Variants in DYSF observed in about 807,000 individuals in gnomAD.
DYSF encodes dysferlin, also known as dystrophy-associated fer-1-like 1.
In DYSF, 212 loss-of-function variants were observed where a neutral mutation model predicts 274.9. The ratio of observed to expected loss-of-function variants is 0.77; its 90% CI spans 0.69 to 0.86. The LOEUF (loss-of-function observed/expected upper bound fraction) is 0.86. Among genes scored for constraint, DYSF ranks in the 40% least tolerant of loss-of-function variants. The probability of loss-of-function intolerance (pLI) is 0.00; values close to 1 mark genes in which losing one functional copy is unlikely to be tolerated. For synonymous variants in DYSF, 1,091 were observed against 1,078.7 expected, an observed-to-expected ratio of 1.01 and a Z score of -0.22; for missense variants, 2,666 against 2,783.2, an observed-to-expected ratio of 0.96 and a Z score of 0.95.
At chr2:71,616,780 C>T (rs557802164) in intron 40 of DYSF, among the ~76,000 whole-genome samples, 18 of 152,270 alleles carry the variant, frequency 1.2e-4, no homozygotes, top group African/African-American at 4.3e-4. Flanking sequence ...TCCAAACACA[C>T]AATTTGAATG....
At chr2:71,548,788 C>T (rs956886873) in intron 17 of DYSF, among the ~76,000 whole-genome samples, 2 of 151,880 alleles carry the variant, frequency 1.3e-5, no homozygotes, top group African/African-American at 2.4e-5. Flanking sequence ...GAAAACGCAA[C>T]GTGGAGCCTT....
intron 48 of DYSF, among the ~76,000 whole-genome samples, 155 bp from the exon 49 acceptor site, chr2:71,668,599 T>C (rs2095060246): frequency 1.3e-5 from 2 of 152,156 alleles, no homozygotes; most frequent in Admixed American, 6.5e-5. Flanking sequence ...ACCTCTGCGG[T>C]TGACCCTGTA....
intron 14 of DYSF, among the ~76,000 whole-genome samples, chr2:71,532,214 T>A (rs1340002083): frequency 6.6e-6 from 1 of 152,236 alleles, no homozygotes; most frequent in African/African-American, 2.4e-5. Context: ...CAAATTTTCC[T>A]CTTTTATAAA....
intron 10 of DYSF, among the ~76,000 whole-genome samples, chr2:71,519,092 CAAAAA>C (rs70959240): frequency 3.9e-4 from 23 of 59,728 alleles, no homozygotes; most frequent in African/African-American, 9.6e-4. Context: ...CACTCCATCT[CAAAAA>C]AAAAAAAAAA....
chr2:71,529,344 C>T (rs1356427164), intron 14 of DYSF, among the ~76,000 whole-genome samples: 2 of 152,200 alleles, frequency 1.3e-5, no homozygotes, highest in Non-Finnish European at 2.9e-5. Flanking sequence ...TCTCTCAACT[C>T]ATGGCATTGA....
In DYSF at chr2:71,539,185, G is replaced by A. The variant is rs1484851532; in HGVS notation, c.1522G>A (p.Ala508Thr). 6.2e-7 allele frequency: 1 copy of A among 1,614,074 alleles called. No homozygotes were observed. Among genetic ancestry groups the A allele is most frequent in the African/African-American group, 1.3e-5 (1 of 75,008 alleles). ...WDRLTHNDIVATTYLSMSKIS... is the reference protein window; with the variant it reads ...WDRLTHNDIVTTTYLSMSKIS... ...CCGCCTGACTCACAATGACATCGTGGCTACCACCTACCTGAGTATGTCGAA... is the reference window on the plus strand; with the variant it reads ...CCGCCTGACTCACAATGACATCGTGACTACCACCTACCTGAGTATGTCGAA... Residue 508 changes from alanine (A) to threonine (T), a missense_variant, in exon 17 of 56, where the codon GCT (alanine) becomes ACT (threonine). This residue lies in a region of DYSF where 794 missense variants were observed against 777.1 expected (regional missense o/e 1.02). Transcript: ENST00000410020.
At chr2:71,487,898 A>G (rs1366024119) in intron 3 of DYSF, among the ~76,000 whole-genome samples, 2 of 152,202 alleles carry the variant, frequency 1.3e-5, no homozygotes, top group Admixed American at 6.5e-5. Context: ...GTAATTGTTT[A>G]TGTATGTGAT....
rs371082061 is a variant in DYSF, at chr2:71,674,399, G to A, written c.5884+103G>A. On this transcript the variant is annotated intron_variant, in intron 52 of 55. Transcript: ENST00000410020. ...GGACCCTTGGGGAAGCCTAGCAGGAGGAGTGATCCCACTTTCTGCTTTCAG... is the reference window on the plus strand; with the variant it reads ...GGACCCTTGGGGAAGCCTAGCAGGAAGAGTGATCCCACTTTCTGCTTTCAG... 263 of 1,119,870 alleles carry A rather than the reference G, an allele frequency of 2.3e-4. 5 individuals are homozygous for A. In the East Asian group the frequency reaches 5.2e-3, roughly 22 times the overall value. The allele number at this position is 1,119,870 out of a possible 1,614,324, so 69.4% of individuals were successfully genotyped here.
intron 3 of DYSF, among the ~76,000 whole-genome samples, chr2:71,486,626 ATC>A (rs1426678753): frequency 6.6e-6 from 1 of 151,936 alleles, no homozygotes; most frequent in Non-Finnish European, 1.5e-5. Context: ...CAGGAAGGAA[ATC>A]TCCATCTGGG....
intron 2 of DYSF, among the ~76,000 whole-genome samples, chr2:71,481,453 G>C (rs1422493742): frequency 2.0e-5 from 3 of 152,222 alleles, no homozygotes; most frequent in Non-Finnish European, 4.4e-5. Flanking sequence ...TGGGGGCCTA[G>C]CCAACATGGC....
At chr2:71,678,949 C>A in intron 52 of DYSF, 108 bp from the exon 53 acceptor site, 1 of 965,874 alleles carries the variant, frequency 1.0e-6, no homozygotes, top group Non-Finnish European at 1.7e-6. Flanking sequence ...TGGATAGAAG[C>A]TGGTGACAGA....
chr2:71,561,059 A>C (rs1354902270), intron 22 of DYSF, among the ~76,000 whole-genome samples: 3 of 152,192 alleles, frequency 2.0e-5, no homozygotes. Context: ...GGGGGAGGTC[A>C]GAGTTCTTTG....
At chr2:71,479,075 C>G (rs544477231) in intron 1 of DYSF, among the ~76,000 whole-genome samples, 3 of 151,492 alleles carry the variant, frequency 2.0e-5, no homozygotes, top group Non-Finnish European at 4.4e-5. Flanking sequence ...AGGCAGGACT[C>G]TCTGAAAGCT....
intron 32 of DYSF, among the ~76,000 whole-genome samples, chr2:71,597,550 G>A (rs973468624): frequency 6.6e-6 from 1 of 152,154 alleles, no homozygotes; most frequent in Non-Finnish European, 1.5e-5. Flanking sequence ...CCGAGTCTCT[G>A]GGGGCAGCAC....
intron 5 of DYSF, among the ~76,000 whole-genome samples, chr2:71,512,287 A>G (rs2086181093): frequency 6.6e-6 from 1 of 152,128 alleles, no homozygotes; most frequent in Non-Finnish European, 1.5e-5. Context: ...AGGCCCCACA[A>G]ACTCCCCAGA....
chr2:71,561,737 G>C lies in DYSF; in HGVS notation c.2217-15G>C. The C allele has an allele frequency of 6.2e-7, 1 of 1,614,136 alleles. No individual in the cohort carries two copies. The highest frequency in any genetic ancestry group is 1.3e-5 in the African/African-American group (1 of 75,038). ...TGGGCTCATCAGGCGCATTCCATCT[G>C]TCCGTCCCTCACAGCCAGCCTCTGG... On this transcript the variant is annotated splice_polypyrimidine_tract_variant and intron_variant, in intron 22 of 55. Transcript: ENST00000410020.
intron 12 of DYSF, among the ~76,000 whole-genome samples, chr2:71,526,016 A>T (rs939035804): frequency 6.6e-6 from 1 of 152,230 alleles, no homozygotes; most frequent in Non-Finnish European, 1.5e-5. Context: ...GAAGGTCAGT[A>T]TCATGGTCTC....
intron 41 of DYSF, among the ~76,000 whole-genome samples, chr2:71,626,400 G>T (rs1409843743): frequency 2.0e-5 from 3 of 150,142 alleles, no homozygotes; most frequent in African/African-American, 7.3e-5. Context: ...ACCTGTTAAT[G>T]TAGTGAATTA....
At chr2:71,459,516 G>A (rs2081200094) in intron 1 of DYSF, among the ~76,000 whole-genome samples, 1 of 152,186 alleles carries the variant, frequency 6.6e-6, no homozygotes, top group East Asian at 1.9e-4. Context: ...CTGGTCTACA[G>A]GTGCCAGACG....
Sources: allele counts gnomAD v4.1 joint callset (sites outside exome capture counted in the v4.1 genomes callset), GRCh38; gene constraint gnomAD v4.1.1; regional missense constraint gnomAD v4.1.1; transcripts MANE v1.5; gene names NCBI Gene and HGNC (gene_info 2026-07-23, HGNC 2026-07-21).